Variants in PTPRN2 observed in about 807,000 individuals in gnomAD.
PTPRN2 encodes receptor-type tyrosine-protein phosphatase N2.
A neutral mutation model predicts 118.8 loss-of-function variants in PTPRN2; 74 were observed. The observed-to-expected ratio is 0.62, with a 90% CI of 0.52 to 0.76. PTPRN2 has a LOEUF of 0.76. PTPRN2 is among the 30% of genes least tolerant of loss of function. The pLI, the probability that PTPRN2 is intolerant of heterozygous loss-of-function variation, is 0.00. For missense variants in PTPRN2, 1,481 were observed against 1,394.4 expected, an observed-to-expected ratio of 1.06 and a Z score of -0.99; for synonymous variants, 641 against 608.0, an observed-to-expected ratio of 1.05 and a Z score of -0.80.
At chr7:157,680,807 T>G (rs1014897741) in intron 13 of PTPRN2, among the ~76,000 whole-genome samples, 5 of 152,192 alleles carry the variant, frequency 3.3e-5, no homozygotes, top group Admixed American at 2.0e-4. Context: ...AGAAAAAAAG[T>G]TTTTTTTCCT....
At chr7:158,329,914 G>T (rs115224630) in intron 2 of PTPRN2, among the ~76,000 whole-genome samples, 1 of 151,950 alleles carries the variant, frequency 6.6e-6, no homozygotes, top group Admixed American at 6.6e-5. Flanking sequence ...TGGAGTGACT[G>T]GCAGAGTGTC....
chr7:158,293,742 T>A (rs1168607589), intron 3 of PTPRN2, among the ~76,000 whole-genome samples: 1 of 99,076 alleles, frequency 1.0e-5, no homozygotes, highest in African/African-American at 4.0e-5. Flanking sequence ...CTTCCACTTT[T>A]AAAACTTTTT....
chr7:157,667,328 C>G (rs1030985473), intron 13 of PTPRN2, among the ~76,000 whole-genome samples: 1 of 149,308 alleles, frequency 6.7e-6, no homozygotes, highest in Non-Finnish European at 1.5e-5. Flanking sequence ...GCCTGGCTTG[C>G]ACACTCGGCC....
intron 12 of PTPRN2, among the ~76,000 whole-genome samples, chr7:157,705,879 G>A (rs1255677080): frequency 2.0e-5 from 3 of 152,120 alleles, no homozygotes; most frequent in East Asian, 1.9e-4. Flanking sequence ...TGGGAATTGA[G>A]TGAATCTGAC....
chr7:157,640,003 G>A (rs1804576563), intron 14 of PTPRN2, among the ~76,000 whole-genome samples: 1 of 152,150 alleles, frequency 6.6e-6, no homozygotes, highest in Non-Finnish European at 1.5e-5. Context: ...TCAGAACAGG[G>A]CCATACAAAA....
intron 12 of PTPRN2, among the ~76,000 whole-genome samples, chr7:157,755,645 G>A (rs977122976): frequency 1.3e-5 from 2 of 152,122 alleles, no homozygotes; most frequent in Non-Finnish European, 2.9e-5. Context: ...AATGCCACAT[G>A]TTCTCACTTA....
intron 3 of PTPRN2, among the ~76,000 whole-genome samples, chr7:158,234,097 T>C (rs1829354787): frequency 6.6e-6 from 1 of 151,852 alleles, no homozygotes; most frequent in Non-Finnish European, 1.5e-5. Context: ...AAAGCACAGA[T>C]AACCAAAGCA....
At chr7:158,550,335 G>C (rs1826568336) in intron 1 of PTPRN2, among the ~76,000 whole-genome samples, 2 of 152,192 alleles carry the variant, frequency 1.3e-5, no homozygotes, top group African/African-American at 4.8e-5. Context: ...GAACAAACTT[G>C]GGAATCCAAG....
At chr7:158,092,466 TG>T (rs1451428924) in intron 10 of PTPRN2, among the ~76,000 whole-genome samples, 1 of 151,590 alleles carries the variant, frequency 6.6e-6, no homozygotes, top group East Asian at 1.9e-4. Flanking sequence ...AATTGATAGG[TG>T]GGTGGTTTGG....
intron 4 of PTPRN2, among the ~76,000 whole-genome samples, chr7:158,200,286 G>C (rs1563594727): frequency 6.6e-6 from 1 of 152,194 alleles, no homozygotes; most frequent in Non-Finnish European, 1.5e-5. Context: ...TACTCATTTA[G>C]GAAAATGGAA....
chr7:157,719,592 G>A (rs1372338292), intron 12 of PTPRN2, among the ~76,000 whole-genome samples: 4 of 152,248 alleles, frequency 2.6e-5, no homozygotes, highest in Non-Finnish European at 5.9e-5. Flanking sequence ...AAGGCAGAAA[G>A]AATAACAGCC....
At chr7:157,866,302 G>C (rs574582364) in intron 12 of PTPRN2, among the ~76,000 whole-genome samples, 5 of 152,122 alleles carry the variant, frequency 3.3e-5, no homozygotes, top group Non-Finnish European at 5.9e-5. Flanking sequence ...ACAAACACAC[G>C]TGCATATCCA....
In PTPRN2 at chr7:158,064,909, G is replaced by C. The variant is rs368592171; in HGVS notation, c.1723+16389C>G. Among the ~76,000 whole-genome samples the C allele has an allele frequency of 1.8e-4, 28 of 152,280 alleles. No individual in the cohort carries two copies. In the South Asian group the frequency reaches 5.6e-3, roughly 30 times the overall value. On this transcript the variant is annotated intron_variant, in intron 11 of 22. Transcript: ENST00000389418. ...TGGGGCACAGAGTGGCCAATTTTATGGATGATGGATGCTTCACCTGCTTCC... is the reference window on the plus strand; with the variant it reads ...TGGGGCACAGAGTGGCCAATTTTATCGATGATGGATGCTTCACCTGCTTCC...
In PTPRN2 at chr7:158,133,753, C is replaced by T. The variant is rs1818569741; in HGVS notation, c.1480G>A (p.Ala494Thr). The change falls in exon 9 of 23, where the codon GCC (alanine) becomes ACC (threonine). Residue 494 changes from alanine to threonine, a missense_variant. Physicochemically the swap from Ala to Thr is moderately conservative, Grantham distance 58. Transcript: ENST00000389418. ...TCCAATTGCAGGCCGTCGCTGAGGG[C>T]CTCCTGAGCACCCGCTGGAAGGCTC... ...EQSLPAGAQE[A>T]LSDGLQLEVQ... 1.2e-6 allele frequency: 2 copies of T among 1,613,316 alleles called. No individual in the cohort carries two copies. The highest frequency in any genetic ancestry group is 1.1e-5 in the South Asian group (1 of 91,078).
At chr7:158,222,812 A>C (rs1452917293) in intron 3 of PTPRN2, among the ~76,000 whole-genome samples, 1 of 152,206 alleles carries the variant, frequency 6.6e-6, no homozygotes, top group Non-Finnish European at 1.5e-5. Context: ...ATAAAGTAGA[A>C]GAAAATAAAT....
In PTPRN2 at chr7:157,585,713, C is replaced by A. The variant is rs1301756607; in HGVS notation, c.2497-7573G>T. ...AGGACCTGACATAAATGCATCAGATCCAGTTGTGAAGCAAGAGAGGAAGAG... is the reference window on the plus strand; with the variant it reads ...AGGACCTGACATAAATGCATCAGATACAGTTGTGAAGCAAGAGAGGAAGAG... On this transcript the variant is annotated intron_variant, in intron 17 of 22. Coordinates refer to ENST00000389418, the MANE Select transcript of PTPRN2 (RefSeq NM_002847.5). The surrounding 1 kb of genome is among the most constrained non-coding windows in gnomAD (Gnocchi z 5.2). Among the ~76,000 whole-genome samples, 1 of 152,082 alleles carries A rather than the reference C, an allele frequency of 6.6e-6. No individual in the cohort carries two copies. The highest frequency in any genetic ancestry group is 2.4e-5 in the African/African-American group (1 of 41,410).
chr7:158,291,306 G>T (rs117010031), intron 3 of PTPRN2, among the ~76,000 whole-genome samples: 5,988 of 152,204 alleles, frequency 0.039, 156 homozygotes, highest in Non-Finnish European at 0.058. Context: ...GGATTTTTCT[G>T]ATACTATCCA....
Position 157,587,153 on chromosome 7 carries a change from A to C in PTPRN2, c.2496+8085T>G, listed in dbSNP as rs1472913114. ...CAGATACACAGGCAGGCAGACAGGC[A>C]GACAGGCAGGCAGACAGACAAGACA... On this transcript the variant is annotated intron_variant, in intron 17 of 22. Transcript: ENST00000389418. This position sits in a 1 kb window ranked among gnomAD's most constrained non-coding sequence, Gnocchi z 5.3. Among the ~76,000 whole-genome samples the C allele has an allele frequency of 6.6e-6, 1 of 152,076 alleles. No homozygotes were observed. Among genetic ancestry groups the C allele is most frequent in the Non-Finnish European group, 1.5e-5 (1 of 68,002 alleles).
chr7:157,664,984 G>A (rs915120818), intron 13 of PTPRN2, among the ~76,000 whole-genome samples: 2 of 152,216 alleles, frequency 1.3e-5, no homozygotes, highest in Non-Finnish European at 2.9e-5. Context: ...ACCCCAGAGT[G>A]AGGCCTGTGG....
Sources: gnomAD v4.1 joint callset for allele counts (sites outside exome capture counted in the v4.1 genomes callset) on GRCh38, gnomAD v4.1.1 for gene constraint, Gnocchi (gnomAD v3.1) non-coding constraint, MANE v1.5 for transcripts, NCBI Gene and HGNC (gene_info 2026-07-23, HGNC 2026-07-21) for gene names.